DNAH11: variants seen among roughly 807,000 people sequenced by gnomAD.
The protein encoded by DNAH11 is axonemal beta dynein heavy chain 11.
In DNAH11, 442 loss-of-function variants were observed where a neutral mutation model predicts 526.0. The observed-to-expected ratio is 0.84, with a 90% confidence interval of 0.78 to 0.91. The LOEUF is 0.91. Ranked by LOEUF, DNAH11 falls within the 40% of genes least tolerant of loss-of-function variation. The pLI is 0.00. For synonymous variants in DNAH11, 2,461 were observed against 1,935.9 expected, an observed-to-expected ratio of 1.27 and a Z score of -7.12; for missense variants, 6,989 against 5,448.7, an observed-to-expected ratio of 1.28 and a Z score of -8.90.
intron 49 of DNAH11, among the ~76,000 whole-genome samples, chr7:21,743,481 A>T (rs1422590041): frequency 6.6e-6 from 1 of 152,184 alleles, no homozygotes; most frequent in Non-Finnish European, 1.5e-5. Context: ...GTAAAAATGG[A>T]TGGCTGAAAT....
intron 42 of DNAH11, among the ~76,000 whole-genome samples, chr7:21,714,899 T>C (rs1784593984): frequency 6.6e-6 from 1 of 152,230 alleles, no homozygotes; most frequent in South Asian, 2.1e-4. Flanking sequence ...TAGATGACTC[T>C]TGGAAGCCAC....
At chr7:21,800,195 A>G (rs1414476739) in intron 61 of DNAH11, among the ~76,000 whole-genome samples, 13 of 152,002 alleles carry the variant, frequency 8.6e-5, no homozygotes, top group South Asian at 2.1e-4. Flanking sequence ...CTCTTTCTCC[A>G]CAATGGTTTT....
intron 68 of DNAH11, 45 bp from the exon 69 acceptor site, chr7:21,861,808 C>G (rs772151285): frequency 1.2e-6 from 2 of 1,602,854 alleles, no homozygotes; most frequent in African/African-American, 1.3e-5. Flanking sequence ...GCTAGACATC[C>G]AGGCACCAGT....
chr7:21,784,626 C>A lies in DNAH11; in HGVS notation c.9597+86C>A, dbSNP rs4141348. 42,341 of 857,448 alleles carry A rather than the reference C, an allele frequency of 0.049. 1,975 individuals are homozygous for A. Among genetic ancestry groups the A allele is most frequent in the East Asian group, 0.25 (9,019 of 36,374 alleles). The allele number at this position is 857,448 out of a possible 1,614,324, so 53.1% of individuals were successfully genotyped here. ...TTGAATAACTGAGCTGAGAGAGTAG[C>A]CCATTACAGCCAAAAAGTATTTTAA... On this transcript the variant is annotated intron_variant, in intron 58 of 81. Coordinates refer to ENST00000409508, the MANE Select transcript of DNAH11 (RefSeq NM_001277115.2).
chr7:21,670,270 A>T (rs976245981), intron 30 of DNAH11, among the ~76,000 whole-genome samples: 1 of 151,984 alleles, frequency 6.6e-6, no homozygotes. Flanking sequence ...ATTTATTTTT[A>T]GATGGTTGAT....
At chr7:21,811,287 ACC>A (rs370847806) in intron 63 of DNAH11, among the ~76,000 whole-genome samples, 9 of 148,254 alleles carry the variant, frequency 6.1e-5, no homozygotes, top group African/African-American at 2.2e-4. Context: ...ACATGGTGAA[ACC>A]CCCCCCCCTA....
At chr7:21,642,451 T>C (rs754499287) in intron 28 of DNAH11, among the ~76,000 whole-genome samples, 12 of 152,198 alleles carry the variant, frequency 7.9e-5, no homozygotes, top group African/African-American at 2.7e-4. Context: ...CAGGCTGTTA[T>C]GCCAGATAGT....
intron 55 of DNAH11, among the ~76,000 whole-genome samples, chr7:21,767,158 C>A (rs539540066): frequency 1.3e-5 from 2 of 152,130 alleles, no homozygotes; most frequent in Non-Finnish European, 2.9e-5. Context: ...GTGATAGTTA[C>A]AAGAAGGGTT....
intron 7 of DNAH11, 39 bp from the exon 8 acceptor site, chr7:21,571,767 C>T (rs1318254288): frequency 6.0e-6 from 9 of 1,494,894 alleles, no homozygotes; most frequent in Non-Finnish European, 8.1e-6. Context: ...TTTTGCTGCT[C>T]AATGTAGTGG....
chr7:21,717,842 G>C lies in DNAH11; in HGVS notation c.7051G>C (p.Asp2351His). 2 of 1,613,858 alleles carry C rather than the reference G, an allele frequency of 1.2e-6. No homozygotes were observed. Among genetic ancestry groups the C allele is most frequent in the Middle Eastern group, 1.6e-4 (1 of 6,062 alleles). ...AAAGGCCAATTTGACTATTCTTTTT[G>C]ATAAATATGTCCCTGCATGCTTGGA... ...SEKANLTILF[D>H]KYVPACLDKL... Residue 2351 changes from aspartate (D) to histidine (H), a missense_variant, in exon 43 of 82, where the codon GAT becomes CAT. Transcript: ENST00000409508.
intron 65 of DNAH11, among the ~76,000 whole-genome samples, chr7:21,828,958 C>T (rs1790429220): frequency 6.6e-6 from 1 of 152,054 alleles, no homozygotes. Flanking sequence ...CCTTGAGCGT[C>T]TTGCCAGCTG....
intron 22 of DNAH11, 69 bp from the exon 23 acceptor site, chr7:21,617,550 G>C (rs541708563): frequency 6.5e-7 from 1 of 1,543,670 alleles, no homozygotes; most frequent in African/African-American, 1.4e-5. Flanking sequence ...ATATGTCAAA[G>C]GAGGCAAATT....
chr7:21,779,607 T>G (rs1008762723), intron 57 of DNAH11, among the ~76,000 whole-genome samples: 5 of 152,224 alleles, frequency 3.3e-5, no homozygotes, highest in Non-Finnish European at 7.3e-5. Context: ...GTATTATGTT[T>G]TATTGTTGGA....
intron 25 of DNAH11, among the ~76,000 whole-genome samples, chr7:21,622,074 T>C (rs371898040): frequency 2.6e-5 from 4 of 152,006 alleles, no homozygotes; most frequent in Admixed American, 6.6e-5. Flanking sequence ...AAAACCCCAT[T>C]GTCTCAGCCC....
intron 36 of DNAH11, among the ~76,000 whole-genome samples, chr7:21,700,032 G>A (rs190359900): frequency 6.9e-4 from 105 of 152,270 alleles, no homozygotes; most frequent in African/African-American, 2.5e-3. Context: ...TGAGTACTAT[G>A]TGTTATGTTA....
At chr7:21,619,865 T>C in intron 24 of DNAH11, 91 bp from the exon 25 acceptor site, 1 of 1,302,214 alleles carries the variant, frequency 7.7e-7, no homozygotes, top group Non-Finnish European at 1.1e-6. Flanking sequence ...TTTGCATTTT[T>C]GAAAGTTGAA....
At position 21,677,138 on chromosome 7, in the gene DNAH11, G is replaced by T. The variant is rs1300501442; in HGVS notation, c.5329-4408G>T. On this transcript the variant is annotated intron_variant, in intron 30 of 81. Transcript: ENST00000409508. ...TTTAACTACTTTTTAAAGATGCAAT[G>T]TATTAAAAGTACAGGTGTATCTCAT... Among the ~76,000 whole-genome samples the T allele has an allele frequency of 3.3e-5, 5 of 149,904 alleles. No homozygotes were observed. The South Asian group carries it at 6.3e-4, about 19-fold the overall frequency.
intron 5 of DNAH11, among the ~76,000 whole-genome samples, chr7:21,563,752 TGAGA>T (rs1330675348): frequency 1.1e-4 from 17 of 152,332 alleles, no homozygotes; most frequent in Admixed American, 1.0e-3. Flanking sequence ...GAAACTGGAA[TGAGA>T]GAGTAAACAA....
At chr7:21,656,568 T>C (rs914670062) in intron 29 of DNAH11, among the ~76,000 whole-genome samples, 1 of 152,196 alleles carries the variant, frequency 6.6e-6, no homozygotes, top group Admixed American at 6.5e-5. Flanking sequence ...TCCGCAAGAA[T>C]GGCTCATTAT....
Sources: gnomAD v4.1 joint callset for allele counts (sites outside exome capture counted in the v4.1 genomes callset) on GRCh38, gnomAD v4.1.1 for gene constraint, MANE v1.5 for transcripts, NCBI Gene and HGNC (gene_info 2026-07-23, HGNC 2026-07-21) for gene names.